NELL1: variants seen among roughly 807,000 people sequenced by gnomAD.
NELL1 encodes the protein protein kinase C-binding protein NELL1.
NELL1 carries 76 observed loss-of-function variants against 107.4 expected under a neutral mutation model. That is an observed-to-expected ratio of 0.71 (90% CI 0.59 to 0.86). The LOEUF (loss-of-function observed/expected upper bound fraction) is 0.86. Among genes scored for constraint, NELL1 ranks in the 40% least tolerant of loss-of-function variants. The pLI, the probability that NELL1 is intolerant of heterozygous loss-of-function variation, is 0.00. For missense variants in NELL1, 1,024 were observed against 1,005.5 expected (o/e 1.02, Z -0.25); for synonymous variants, 353 against 341.2 (o/e 1.03, Z -0.38).
At chr11:21,421,584 C>T (rs950897525) in intron 15 of NELL1, among the ~76,000 whole-genome samples, 2 of 152,052 alleles carry the variant, frequency 1.3e-5, no homozygotes, top group East Asian at 1.9e-4. Flanking sequence ...TTCTCCACCA[C>T]CCCCTCACGT....
chr11:20,840,808 G>A (rs976722749), intron 3 of NELL1, among the ~76,000 whole-genome samples: 2 of 152,214 alleles, frequency 1.3e-5, no homozygotes, highest in South Asian at 2.1e-4. Flanking sequence ...TGTGAAATTC[G>A]CATTGTAGAA....
intron 5 of NELL1, among the ~76,000 whole-genome samples, chr11:20,887,770 C>T (rs112703440): frequency 9.2e-5 from 14 of 152,046 alleles, no homozygotes; most frequent in Admixed American, 7.9e-4. Context: ...GGATTAGGTA[C>T]CTTGGGAGTC....
chr11:21,055,873 C>A (rs1245798808), intron 12 of NELL1, among the ~76,000 whole-genome samples: 2 of 151,924 alleles, frequency 1.3e-5, no homozygotes, highest in Non-Finnish European at 2.9e-5. Flanking sequence ...TCAAATAATC[C>A]TTTTTTACTT....
chr11:20,699,891 T>C (rs2511367), intron 2 of NELL1, among the ~76,000 whole-genome samples: 29,092 of 152,146 alleles, frequency 0.19, 3,090 homozygotes, highest in African/African-American at 0.25. Flanking sequence ...GTTTACATTC[T>C]TACCAGCAGT....
intron 14 of NELL1, among the ~76,000 whole-genome samples, chr11:21,322,714 A>G (rs1366647936): frequency 6.6e-6 from 1 of 152,018 alleles, no homozygotes; most frequent in Non-Finnish European, 1.5e-5. Context: ...GTTCCATGAA[A>G]CCAGACTTCC....
rs77384225 is a variant in NELL1, at chr11:20,915,279, C to T, written c.604-2903C>T. On this transcript the variant is annotated intron_variant, in intron 5 of 19. Coordinates refer to ENST00000357134, the MANE Select transcript of NELL1 (RefSeq NM_006157.5). Reference sequence around the variant, plus strand: ...TGCTCCAAAAGAAGCAAATGGTTGACAATAAAGCAGAATTTTTCAAAGTGA... The same window carrying T: ...TGCTCCAAAAGAAGCAAATGGTTGATAATAAAGCAGAATTTTTCAAAGTGA... Among the ~76,000 whole-genome samples, 373 of 151,846 alleles carry T rather than the reference C, an allele frequency of 2.5e-3. 13 individuals are homozygous for T. The East Asian group carries it at 0.062, about 25-fold the overall frequency.
intron 10 of NELL1, among the ~76,000 whole-genome samples, chr11:20,939,230 T>C (rs1054730943): frequency 7.9e-5 from 12 of 152,018 alleles, no homozygotes; most frequent in African/African-American, 2.9e-4. Flanking sequence ...TCCAGGTTCC[T>C]GGTAGAGTTG....
At chr11:21,345,731 G>A (rs548318864) in intron 14 of NELL1, among the ~76,000 whole-genome samples, 2 of 152,302 alleles carry the variant, frequency 1.3e-5, no homozygotes, top group East Asian at 1.9e-4. Context: ...AAAGATAGAA[G>A]ATGTCTTTTC....
At chr11:20,707,296 A>G (rs192516581) in intron 2 of NELL1, among the ~76,000 whole-genome samples, 1 of 152,114 alleles carries the variant, frequency 6.6e-6, no homozygotes, top group African/African-American at 2.4e-5. Context: ...CCTCTTTGTG[A>G]TGGGTTTGAA....
chr11:20,973,887 TC>T (rs1203546746), intron 12 of NELL1, among the ~76,000 whole-genome samples: 1 of 152,176 alleles, frequency 6.6e-6, no homozygotes, highest in African/African-American at 2.4e-5. Context: ...GACACCTGGC[TC>T]CTCAAAACTC....
chr11:20,913,792 A>G (rs148730364), intron 5 of NELL1, among the ~76,000 whole-genome samples: 3,095 of 144,140 alleles, frequency 0.021, 113 homozygotes, highest in African/African-American at 0.074. Flanking sequence ...TCATTACACT[A>G]ACAATAAGAA....
intron 3 of NELL1, 75 bp downstream of exon 3, chr11:20,783,905 T>C (rs1266993680): frequency 8.7e-6 from 12 of 1,385,074 alleles, no homozygotes; most frequent in Non-Finnish European, 9.6e-7. Context: ...GGATTTAGAG[T>C]TTGTAGCCCC....
intron 2 of NELL1, among the ~76,000 whole-genome samples, chr11:20,691,247 C>T (rs1038279614): frequency 1.3e-5 from 2 of 151,804 alleles, no homozygotes; most frequent in Non-Finnish European, 2.9e-5. Flanking sequence ...AATTTGACTT[C>T]CTCTTTTCCT....
intron 13 of NELL1, among the ~76,000 whole-genome samples, chr11:21,207,706 C>G (rs1301516714): frequency 1.3e-5 from 2 of 152,102 alleles, no homozygotes; most frequent in Non-Finnish European, 2.9e-5. Context: ...GCCAACTATG[C>G]CAAGTTTTTA....
Position 20,715,243 on chromosome 11 carries a change from A to G in NELL1, c.184+37183A>G, listed in dbSNP as rs7111628. 3.3e-5 allele frequency among the ~76,000 whole-genome samples: 5 copies of G among 151,814 alleles called. No individual in the cohort carries two copies. In the South Asian group the frequency reaches 1.0e-3, roughly 32 times the overall value. On this transcript the variant is annotated intron_variant, in intron 2 of 19. Coordinates refer to ENST00000357134, the MANE Select transcript of NELL1 (RefSeq NM_006157.5). ...CTGGGGACAGAGTGAGAAAAAAAAA[A>G]TTATATATTGCGCTTAATTCCTAGT...
intron 2 of NELL1, among the ~76,000 whole-genome samples, chr11:20,729,779 CTG>C (rs1855588950): frequency 6.6e-6 from 1 of 152,128 alleles, no homozygotes; most frequent in Non-Finnish European, 1.5e-5. Context: ...GAGAGAATAA[CTG>C]TGAGTCACTT....
intron 12 of NELL1, among the ~76,000 whole-genome samples, chr11:20,969,956 C>T (rs777689341): frequency 2.3e-4 from 35 of 152,004 alleles, no homozygotes; most frequent in Non-Finnish European, 4.9e-4. Flanking sequence ...ATTATACCAA[C>T]AATATTATTT....
intron 13 of NELL1, among the ~76,000 whole-genome samples, chr11:21,128,691 G>A (rs1052358993): frequency 1.3e-5 from 2 of 152,152 alleles, no homozygotes; most frequent in Non-Finnish European, 2.9e-5. Context: ...AGTGTGAGAG[G>A]GGGATGAAGG....
At chr11:21,211,890 A>G (rs1182387231) in intron 13 of NELL1, among the ~76,000 whole-genome samples, 2 of 151,976 alleles carry the variant, frequency 1.3e-5, no homozygotes, top group Non-Finnish European at 2.9e-5. Flanking sequence ...TAGTGGTGTG[A>G]TCCCAGCTCA....
Sources: allele counts gnomAD v4.1 joint callset (sites outside exome capture counted in the v4.1 genomes callset), GRCh38; gene constraint gnomAD v4.1.1; transcripts MANE v1.5; gene names NCBI Gene and HGNC (gene_info 2026-07-23, HGNC 2026-07-21).